COL4A4: variants seen among roughly 807,000 people sequenced by gnomAD.
COL4A4 encodes collagen type IV alpha 4 chain.
A neutral mutation model predicts 192.9 loss-of-function variants in COL4A4; 105 were observed. That is an observed-to-expected ratio of 0.54 (90% CI 0.46 to 0.64). The LOEUF is 0.64. Ranked by LOEUF, COL4A4 falls within the 30% of genes least tolerant of loss-of-function variation. The pLI, the probability that COL4A4 is intolerant of heterozygous loss-of-function variation, is 0.00. For synonymous variants in COL4A4, 762 were observed against 769.9 expected, an observed-to-expected ratio of 0.99 and a Z score of 0.17; for missense variants, 1,967 against 2,169.3, an observed-to-expected ratio of 0.91 and a Z score of 1.85.
intron 25 of COL4A4, among the ~76,000 whole-genome samples, chr2:227,066,355 AAT>A (rs2058337993): frequency 6.6e-6 from 1 of 151,848 alleles, no homozygotes; most frequent in South Asian, 2.1e-4. Flanking sequence ...AGATTCAGGA[AAT>A]ACAGAGAACG....
chr2:227,024,290 T>G (rs563198871), intron 43 of COL4A4, among the ~76,000 whole-genome samples: 1 of 152,328 alleles, frequency 6.6e-6, no homozygotes, highest in South Asian at 2.1e-4. Flanking sequence ...GCGGGTGGAC[T>G]GCCTGAGTTT....
intron 43 of COL4A4, 27 bp from the exon 44 acceptor site, chr2:227,022,200 A>G: frequency 6.2e-7 from 1 of 1,613,910 alleles, no homozygotes; most frequent in Non-Finnish European, 8.5e-7. Context: ...CGCTTGTGTA[A>G]TGGATGCACG....
At chr2:227,027,410 A>G (rs1312075066) in intron 42 of COL4A4, among the ~76,000 whole-genome samples, 10 of 148,778 alleles carry the variant, frequency 6.7e-5, no homozygotes, top group Admixed American at 1.3e-4. Flanking sequence ...TCTCACTCAT[A>G]GGTGGGAACT....
chr2:227,161,224 G>A (rs2064807860), intron 1 of COL4A4, among the ~76,000 whole-genome samples: 1 of 152,184 alleles, frequency 6.6e-6, no homozygotes, highest in African/African-American at 2.4e-5. Flanking sequence ...ACACAAAAAT[G>A]GCCCCTGCCC....
rs1576074342 is a variant in COL4A4, at chr2:227,045,865, C to CATATATATACATATATATGT, written c.3289+1590_3289+1609dup. ...ATATATATACACATATATATATACA[C>CATATATATACATATATATGT]ATATATATACATATATATGTATATA... On this transcript the variant is annotated intron_variant, in intron 35 of 47. Transcript: ENST00000396625. Among the ~76,000 whole-genome samples the CATATATATACATATATATGT allele has an allele frequency of 6.3e-5, 4 of 63,040 alleles. No individual in the cohort carries two copies. In the East Asian group the frequency reaches 1.5e-3, roughly 23 times the overall value. 41.4% of individuals were successfully genotyped at this position (63,040 alleles called of 152,430 possible).
At chr2:227,081,273 A>G (rs1293725904) in intron 23 of COL4A4, among the ~76,000 whole-genome samples, 1 of 152,232 alleles carries the variant, frequency 6.6e-6, no homozygotes, top group Non-Finnish European at 1.5e-5. Context: ...GGCACCATCC[A>G]ATTAGCTGCC....
intron 30 of COL4A4, 32 bp downstream of exon 30, chr2:227,055,913 T>C (rs1477270453): frequency 6.3e-7 from 1 of 1,596,724 alleles, no homozygotes; most frequent in Non-Finnish European, 8.6e-7. Flanking sequence ...GTTTCTAAGA[T>C]GGGAGGACAT....
chr2:227,062,150 A>C (rs1179859835), intron 26 of COL4A4, among the ~76,000 whole-genome samples: 1 of 151,916 alleles, frequency 6.6e-6, no homozygotes, highest in South Asian at 2.1e-4. Context: ...AGGCGGAAGA[A>C]TCATTGAACC....
At chr2:227,157,600 G>A (rs2064456771) in intron 1 of COL4A4, among the ~76,000 whole-genome samples, 1 of 151,816 alleles carries the variant, frequency 6.6e-6, no homozygotes, top group Admixed American at 6.6e-5. Flanking sequence ...GGATTAAAAA[G>A]ATAATTAGAG....
chr2:227,045,852 A>AG (rs1559488179), intron 35 of COL4A4, among the ~76,000 whole-genome samples: 3,351 of 87,626 alleles, frequency 0.038, 672 homozygotes, highest in South Asian at 0.067. Context: ...ATATATACAC[A>AG]TATATATATA....
chr2:226,986,080 C>G, the COL4A4 span, among the ~76,000 whole-genome samples: 3 of 152,190 alleles, frequency 2.0e-5, no homozygotes, highest in Non-Finnish European at 4.4e-5. Context: ...TCACCAAAAC[C>G]CATAACCCCA....
intron 46 of COL4A4, among the ~76,000 whole-genome samples, chr2:227,008,852 C>T (rs184883111): frequency 1.3e-5 from 2 of 152,284 alleles, no homozygotes; most frequent in African/African-American, 2.4e-5. Flanking sequence ...AGGGTGTCTG[C>T]ACTGTCTGTC....
chr2:226,980,233 T>C, the COL4A4 span, among the ~76,000 whole-genome samples: 1 of 152,154 alleles, frequency 6.6e-6, no homozygotes, highest in Non-Finnish European at 1.5e-5. Context: ...AAGTAGCTTA[T>C]CCTAGGACAC....
chr2:227,027,331 C>T (rs1367455586), intron 42 of COL4A4, among the ~76,000 whole-genome samples: 1 of 147,860 alleles, frequency 6.8e-6, no homozygotes, highest in Admixed American at 6.8e-5. Context: ...TTTGTAGGGA[C>T]ATGGATGAAG....
rs576448815 is a variant in COL4A4, at chr2:227,004,230, C to T, written c.*3095G>A. ...GGAACGGAGAAAATGAGGACAGCCC[C>T]GTGCACTGCACAAGAGCAGCAGAAG... On this transcript the variant is annotated 3_prime_UTR_variant, in exon 48 of 48. Transcript: ENST00000396625. 33 of 152,410 alleles carry T rather than the reference C, an allele frequency of 2.2e-4. No individual in the cohort carries two copies. Among genetic ancestry groups the T allele is most frequent in the African/African-American group, 7.5e-4 (31 of 41,578 alleles). The allele number at this position is 152,410 out of a possible 1,614,324, so 9.4% of individuals were successfully genotyped here. A position where few individuals can be genotyped will look rare whatever the true frequency, so the allele number is the denominator to read the frequency against.
intron 26 of COL4A4, among the ~76,000 whole-genome samples, chr2:227,061,524 G>C (rs1438267649): frequency 6.6e-6 from 1 of 152,156 alleles, no homozygotes; most frequent in Non-Finnish European, 1.5e-5. Flanking sequence ...AGCCAACAGA[G>C]ACCATCTTAG....
chr2:227,034,070 C>T (rs1969011785), intron 37 of COL4A4, among the ~76,000 whole-genome samples: 1 of 152,236 alleles, frequency 6.6e-6, no homozygotes, highest in Non-Finnish European at 1.5e-5. Flanking sequence ...ATTCTGATGC[C>T]TTTCTGCAGA....
intron 25 of COL4A4, among the ~76,000 whole-genome samples, chr2:227,064,973 T>C (rs2058208215): frequency 6.6e-6 from 1 of 152,106 alleles, no homozygotes; most frequent in Admixed American, 6.5e-5. Flanking sequence ...CCATCTGAGG[T>C]ACCGGGTTCA....
intron 35 of COL4A4, among the ~76,000 whole-genome samples, chr2:227,046,127 C>T (rs1237776040): frequency 3.7e-5 from 5 of 135,468 alleles, no homozygotes; most frequent in African/African-American, 5.8e-5. Flanking sequence ...TTGTTCATGT[C>T]AGAGGTGAAA....
Sources: gnomAD v4.1 joint callset for allele counts (sites outside exome capture counted in the v4.1 genomes callset) on GRCh38, gnomAD v4.1.1 for gene constraint, MANE v1.5 for transcripts, NCBI Gene and HGNC (gene_info 2026-07-23, HGNC 2026-07-21) for gene names.